Variants in CLIP2 observed in about 807,000 individuals in gnomAD.
CLIP2 encodes the protein CAP-Gly domain-containing linker protein 2.
CLIP2 carries 41 observed loss-of-function variants against 111.7 expected under a neutral mutation model. That is an observed-to-expected ratio of 0.37 (90% CI 0.29 to 0.48). The LOEUF (loss-of-function observed/expected upper bound fraction) is 0.48. Among genes scored for constraint, CLIP2 ranks in the 20% least tolerant of loss-of-function variants. The pLI is 0.99. For synonymous variants in CLIP2, 660 were observed against 644.2 expected, an observed-to-expected ratio of 1.02 and a Z score of -0.37; for missense variants, 1,160 against 1,422.1, an observed-to-expected ratio of 0.82 and a Z score of 2.96.
intron 12 of CLIP2, among the ~76,000 whole-genome samples, 168 bp downstream of exon 12, chr7:74,386,772 C>T (rs1392551673): frequency 2.0e-5 from 3 of 152,004 alleles, no homozygotes; most frequent in Non-Finnish European, 4.4e-5. Flanking sequence ...CCTGTAATCC[C>T]AGCACTTTGG....
chr7:74,351,498 C>A (rs1584351832), intron 3 of CLIP2, among the ~76,000 whole-genome samples: 1 of 150,854 alleles, frequency 6.6e-6, no homozygotes, highest in East Asian at 1.9e-4. Flanking sequence ...CCTCCTCGTG[C>A]ATCTTTTCTT....
intron 1 of CLIP2, among the ~76,000 whole-genome samples, chr7:74,315,633 C>T (rs532831819): frequency 3.7e-4 from 56 of 151,524 alleles, no homozygotes; most frequent in Admixed American, 2.4e-3. Context: ...TGCAGTGGTG[C>T]GATCTCGGCT....
intron 8 of CLIP2, 95 bp downstream of exon 8, chr7:74,364,410 C>A (rs1790418370): frequency 9.3e-7 from 1 of 1,079,512 alleles, no homozygotes; most frequent in Non-Finnish European, 1.4e-6. Context: ...CACCTCTAGG[C>A]CCCCCCGGGG....
intron 11 of CLIP2, among the ~76,000 whole-genome samples, chr7:74,386,153 T>C (rs1226059929): frequency 3.3e-5 from 5 of 151,722 alleles, no homozygotes; most frequent in Admixed American, 3.3e-4. Context: ...GTTCAAACGA[T>C]TCTCCTGCCT....
chr7:74,393,681 CAGACATCCTTTTGTAAAAGA>C (rs538089394), intron 13 of CLIP2, among the ~76,000 whole-genome samples: 1 of 152,298 alleles, frequency 6.6e-6, no homozygotes, highest in East Asian at 1.9e-4. Context: ...CTTTGAAGCA[CAGACATCCTTTTGTAAAAGA>C]AGAAATGCTA....
intron 1 of CLIP2, among the ~76,000 whole-genome samples, chr7:74,304,925 A>C (rs1788434731): frequency 2.0e-5 from 3 of 152,208 alleles, no homozygotes; most frequent in Admixed American, 2.0e-4. Context: ...TGCCTGGGCA[A>C]CAGAGGGAGA....
intron 1 of CLIP2, among the ~76,000 whole-genome samples, chr7:74,301,811 C>T (rs1554726914): frequency 6.6e-6 from 1 of 151,892 alleles, no homozygotes; most frequent in African/African-American, 2.4e-5. Context: ...CTCCTGGGCT[C>T]AAGTGATCCT....
At chr7:74,395,380 C>T (rs1351153856) in intron 13 of CLIP2, among the ~76,000 whole-genome samples, 2 of 152,062 alleles carry the variant, frequency 1.3e-5, no homozygotes, top group Non-Finnish European at 2.9e-5. Flanking sequence ...CTGGTCTTGA[C>T]TCATGACCTC....
intron 2 of CLIP2, among the ~76,000 whole-genome samples, chr7:74,322,270 C>T (rs1201536810): frequency 1.3e-5 from 2 of 151,128 alleles, no homozygotes; most frequent in South Asian, 2.1e-4. Context: ...GGAGTACAGG[C>T]GTGAGCCACT....
intron 13 of CLIP2, among the ~76,000 whole-genome samples, chr7:74,390,220 A>T (rs1791259330): frequency 3.4e-5 from 2 of 59,586 alleles, no homozygotes; most frequent in Admixed American, 3.3e-4. Context: ...AAAGAAAGAA[A>T]GAAAGGATTA....
At chr7:74,304,418 C>G (rs765100781) in intron 1 of CLIP2, among the ~76,000 whole-genome samples, 1 of 151,560 alleles carries the variant, frequency 6.6e-6, no homozygotes, top group East Asian at 2.0e-4. Flanking sequence ...CCCAGCTACT[C>G]GGGAGGCTGA....
intron 15 of CLIP2, among the ~76,000 whole-genome samples, chr7:74,400,979 A>G (rs1216634574): frequency 6.7e-6 from 1 of 149,334 alleles, no homozygotes; most frequent in African/African-American, 2.5e-5. Context: ...TTTCTGTCCT[A>G]GGAACCTTGA....
Position 74,338,898 on chromosome 7 carries a change from T to C in CLIP2, c.572T>C (p.Val191Ala). ...CGCGTCATCCCCCTGCGGGAGAGCG[T>C]CCTCAACAGCTCCGTGAAGACTGGC... ...TSRVIPLRES[V>A]LNSSVKTGNE... The change falls in exon 3 of 17, where the codon GTC becomes GCC. Residue 191 changes from valine to alanine, a missense_variant. Physicochemically the swap from Val to Ala is moderately conservative, Grantham distance 64. This residue lies in a region of CLIP2 where 301 missense variants were observed against 315.2 expected (regional missense o/e 0.96). Transcript: ENST00000223398. The surrounding 1 kb of genome is among the most constrained non-coding windows in gnomAD (Gnocchi z 4.3). 1 of 1,604,616 alleles carries C rather than the reference T, an allele frequency of 6.2e-7. No individual in the cohort carries two copies. Among genetic ancestry groups the C allele is most frequent in the Non-Finnish European group, 8.5e-7 (1 of 1,179,848 alleles).
intron 13 of CLIP2, among the ~76,000 whole-genome samples, chr7:74,394,145 C>T (rs1325744542): frequency 2.6e-5 from 4 of 152,148 alleles, no homozygotes; most frequent in Admixed American, 6.6e-5. Flanking sequence ...GCCTCATCCC[C>T]GTCTCCCTGC....
In CLIP2 at chr7:74,381,014, A is replaced by C. The variant is rs782664726; in HGVS notation, c.2479+151A>C. ...TGTGAGCTATGTACTCCTGCAAGGG[A>C]GGAGGCCAGTTTACGGAGGGATAGG... On this transcript the variant is annotated intron_variant, in intron 11 of 16. Transcript: ENST00000223398. 7 of 694,816 alleles carry C rather than the reference A, an allele frequency of 1.0e-5. No individual in the cohort carries two copies. In the South Asian group the frequency reaches 1.2e-4, roughly 12 times the overall value. 43.0% of individuals were successfully genotyped at this position (694,816 alleles called of 1,614,324 possible).
intron 9 of CLIP2, among the ~76,000 whole-genome samples, chr7:74,373,277 C>T (rs956403985): frequency 1.3e-5 from 2 of 152,088 alleles, no homozygotes; most frequent in Admixed American, 6.6e-5. Flanking sequence ...GAGGGTGGAT[C>T]GCCTGAGGTC....
At position 74,400,418 on chromosome 7, in the gene CLIP2, C is replaced by T. The variant is rs781915980; in HGVS notation, c.2929C>T (p.Arg977Trp). Residue 977 changes from arginine (R) to tryptophan (W), a missense_variant, in exon 15 of 17, where the codon CGG becomes TGG. Coordinates refer to ENST00000223398, the MANE Select transcript of CLIP2 (RefSeq NM_003388.5). ...SDQRRYSLID[R>W]SSAPELLRLQ... ...TCAGAGGCGCTACTCCCTCATCGAC[C>T]GGTCCTCGGCGCCCGAGCTTCTGCG... is the stretch of plus-strand genomic sequence containing the variant. 26 of 1,613,676 alleles carry T rather than the reference C, an allele frequency of 1.6e-5. No homozygotes were observed. The Admixed American group carries it at 4.2e-4, about 26-fold the overall frequency.
intron 11 of CLIP2, among the ~76,000 whole-genome samples, chr7:74,383,026 G>A (rs1484638412): frequency 6.8e-6 from 1 of 148,136 alleles, no homozygotes; most frequent in African/African-American, 2.5e-5. Context: ...GCTGCAGTGA[G>A]CTACGATCAT....
intron 13 of CLIP2, 24 bp downstream of exon 13, chr7:74,389,283 G>A: frequency 1.9e-6 from 3 of 1,549,128 alleles, no homozygotes; most frequent in South Asian, 1.2e-5. Flanking sequence ...GGGGCCGGCT[G>A]GGTCCTCCCT....
Sources: allele counts gnomAD v4.1 joint callset (sites outside exome capture counted in the v4.1 genomes callset), GRCh38; gene constraint gnomAD v4.1.1; regional missense constraint gnomAD v4.1.1; non-coding constraint Gnocchi (gnomAD v3.1); transcripts MANE v1.5; gene names NCBI Gene and HGNC (gene_info 2026-07-23, HGNC 2026-07-21).